Variants in CHRNB3 observed in about 807,000 individuals in gnomAD.
CHRNB3 encodes cholinergic receptor nicotinic beta 3 subunit, also known as neuronal acetylcholine receptor subunit beta-3.
Under a neutral mutation model 40.6 loss-of-function variants are expected in CHRNB3, and 37 were observed. The observed-to-expected ratio is 0.91, with a 90% CI of 0.70 to 1.20. The LOEUF (loss-of-function observed/expected upper bound fraction) is 1.20. Ranked by LOEUF, CHRNB3 falls within the 50% of genes most tolerant of loss-of-function variation. The probability of loss-of-function intolerance (pLI) is 0.00; values close to 1 mark genes in which losing one functional copy is unlikely to be tolerated. For missense variants in CHRNB3, 505 were observed against 551.2 expected, an observed-to-expected ratio of 0.92 and a Z score of 0.84; for synonymous variants, 207 against 207.1, an observed-to-expected ratio of 1.00 and a Z score of 0.00.
At chr8:42,726,982 T>C (rs905052319) in intron 3 of CHRNB3, among the ~76,000 whole-genome samples, 2 of 152,120 alleles carry the variant, frequency 1.3e-5, no homozygotes, top group Admixed American at 6.6e-5. Context: ...TCAATCACAA[T>C]TAAAATCTTG....
intron 1 of CHRNB3, among the ~76,000 whole-genome samples, chr8:42,706,880 C>G (rs1369476993): frequency 6.6e-6 from 1 of 152,182 alleles, no homozygotes; most frequent in African/African-American, 2.4e-5. Flanking sequence ...CCTGCCCCAG[C>G]CTCCCAAGTA....
chr8:42,732,923 T>C (rs1219727672), intron 5 of CHRNB3, among the ~76,000 whole-genome samples: 1 of 152,204 alleles, frequency 6.6e-6, no homozygotes, highest in Non-Finnish European at 1.5e-5. Flanking sequence ...CCACAGTATT[T>C]AGAAATAAAA....
In CHRNB3 at chr8:42,708,822, C is replaced by T. The variant is rs1335889873; in HGVS notation, c.158C>T (p.Thr53Ile). The change falls in exon 2 of 6, where the codon ACC becomes ATC. Residue 53 changes from threonine to isoleucine, a missense_variant. By Grantham distance (89) the Thr-to-Ile change is moderately conservative. Coordinates refer to ENST00000289957, the MANE Select transcript of CHRNB3 (RefSeq NM_000749.5). ...WVRPVLHSND[T>I]IKVYFGLKIS... ...CGCCCTGTATTACATTCTAATGACA[C>T]CATAAAAGTATATTTTGGATTGAAA... The T allele has an allele frequency of 6.2e-7, 1 of 1,613,830 alleles. No individual in the cohort carries two copies. The highest frequency in any genetic ancestry group is 8.5e-7 in the Non-Finnish European group (1 of 1,179,886).
intron 3 of CHRNB3, among the ~76,000 whole-genome samples, chr8:42,718,404 TG>T (rs1816156148): frequency 6.6e-6 from 1 of 152,158 alleles, no homozygotes; most frequent in Non-Finnish European, 1.5e-5. Flanking sequence ...CCGAGCATGG[TG>T]GCTCACACCT....
intron 3 of CHRNB3, among the ~76,000 whole-genome samples, chr8:42,716,508 A>C (rs1378365297): frequency 1.3e-5 from 2 of 152,034 alleles, no homozygotes; most frequent in Non-Finnish European, 2.9e-5. Context: ...CTCCCTACAG[A>C]CCATGGCTAC....
intron 1 of CHRNB3, among the ~76,000 whole-genome samples, chr8:42,701,681 C>G (rs192152931): frequency 1.6e-4 from 25 of 152,350 alleles, no homozygotes; most frequent in African/African-American, 5.5e-4. Context: ...AGAGCCCCAA[C>G]CCCCTCACAG....
In CHRNB3 at chr8:42,716,088, G is replaced by A. The variant is rs570473697; in HGVS notation, c.249+5654G>A. Among the ~76,000 whole-genome samples the A allele has an allele frequency of 1.5e-4, 22 of 145,564 alleles. 1 individual carries two copies. The South Asian group carries it at 4.5e-3, about 30-fold the overall frequency. On this transcript the variant is annotated intron_variant, in intron 3 of 5. Transcript: ENST00000289957. ...CCGCTTCCTGGGTTCAAGTAATTCT[G>A]CTTCAGCCTCCCGAGTAGCTGGGAT...
chr8:42,719,160 A>G (rs978486696), intron 3 of CHRNB3, among the ~76,000 whole-genome samples: 1 of 152,180 alleles, frequency 6.6e-6, no homozygotes, highest in African/African-American at 2.4e-5. Context: ...AGGGTTTCAG[A>G]GAGAACAAAG....
intron 3 of CHRNB3, among the ~76,000 whole-genome samples, chr8:42,718,808 G>A (rs774577544): frequency 3.3e-5 from 5 of 151,590 alleles, no homozygotes; most frequent in African/African-American, 1.2e-4. Context: ...ATGAGTGATC[G>A]TTCAGGTAAT....
chr8:42,705,390 G>A (rs906381883), intron 1 of CHRNB3, among the ~76,000 whole-genome samples: 11 of 152,326 alleles, frequency 7.2e-5, no homozygotes, highest in Middle Eastern at 3.4e-3. Context: ...GACCCCCAAC[G>A]CAGTAGTGTT....
At chr8:42,722,542 T>C (rs1260712770) in intron 3 of CHRNB3, among the ~76,000 whole-genome samples, 1 of 151,968 alleles carries the variant, frequency 6.6e-6, no homozygotes, top group Non-Finnish European at 1.5e-5. Flanking sequence ...TTTGTATAAT[T>C]CCCCCGACTT....
intron 3 of CHRNB3, among the ~76,000 whole-genome samples, chr8:42,723,914 C>T (rs769506437): frequency 1.3e-5 from 2 of 151,956 alleles, no homozygotes; most frequent in Non-Finnish European, 2.9e-5. Flanking sequence ...GGTGAAACCC[C>T]GTCTCTATTA....
chr8:42,734,981 G>A (rs978048439), intron 5 of CHRNB3, among the ~76,000 whole-genome samples: 1 of 152,044 alleles, frequency 6.6e-6, no homozygotes, highest in Admixed American at 6.6e-5. Context: ...AGCACTTTGG[G>A]AGGCCGAGGC....
chr8:42,731,504 G>A (rs7824783), intron 4 of CHRNB3, among the ~76,000 whole-genome samples, 163 bp from the exon 5 acceptor site: 4,872 of 152,194 alleles, frequency 0.032, 124 homozygotes, highest in Middle Eastern at 0.11. Flanking sequence ...GCAGTGAGCC[G>A]AGATGGCGCC....
chr8:42,730,970 C>T (rs1193500144), intron 4 of CHRNB3, among the ~76,000 whole-genome samples: 1 of 147,714 alleles, frequency 6.8e-6, no homozygotes, highest in African/African-American at 2.5e-5. Context: ...ATGGCGTGAA[C>T]CCGGGAAGCG....
intron 3 of CHRNB3, among the ~76,000 whole-genome samples, chr8:42,711,123 C>T (rs1209997625): frequency 2.0e-5 from 3 of 152,102 alleles, no homozygotes; most frequent in Admixed American, 2.0e-4. Flanking sequence ...ATTCAAATCC[C>T]AGTTTCGCAT....
rs771907516 is a variant in CHRNB3 at position 42,732,315 on chromosome 8, G to A, written c.1008G>A (p.Lys336=). The A allele has an allele frequency of 1.1e-5, 17 of 1,606,784 alleles. No individual in the cohort carries two copies. The highest frequency in any genetic ancestry group is 1.4e-5 in the Non-Finnish European group (16 of 1,178,016). The change falls in exon 5 of 6, where the codon AAG becomes AAA. Residue 336 remains lysine, a synonymous_variant. Coordinates refer to ENST00000289957, the MANE Select transcript of CHRNB3 (RefSeq NM_000749.5). ...STYHPMAPWV[K]RLFLQKLPKL... is the part of the protein sequence containing the mutation. ...ACCACCCCATGGCCCCCTGGGTTAA[G>A]AGGCTCTTTCTGCAGAAACTTCCAA...
At chr8:42,724,326 A>G (rs1408484848) in intron 3 of CHRNB3, among the ~76,000 whole-genome samples, 1 of 152,180 alleles carries the variant, frequency 6.6e-6, no homozygotes, top group Non-Finnish European at 1.5e-5. Flanking sequence ...AATGGTGAAC[A>G]ACTAAATGCT....
intron 5 of CHRNB3, among the ~76,000 whole-genome samples, chr8:42,735,404 G>A (rs1348111459): frequency 6.6e-6 from 1 of 151,950 alleles, no homozygotes; most frequent in African/African-American, 2.4e-5. Context: ...TGGGCATGGT[G>A]ACGAGTGCCT....
Sources: gnomAD v4.1 joint callset for allele counts (sites outside exome capture counted in the v4.1 genomes callset) on GRCh38, gnomAD v4.1.1 for gene constraint, MANE v1.5 for transcripts, NCBI Gene and HGNC (gene_info 2026-07-23, HGNC 2026-07-21) for gene names.